DNAH12: variants seen among roughly 807,000 people sequenced by gnomAD.
The protein encoded by DNAH12 is dynein axonemal heavy chain 12.
A neutral mutation model predicts 371.5 loss-of-function variants in DNAH12; 285 were observed. The ratio of observed to expected loss-of-function variants is 0.77; its 90% CI spans 0.70 to 0.85. DNAH12 has a LOEUF of 0.85. Among genes scored for constraint, DNAH12 ranks in the 40% least tolerant of loss-of-function variants. DNAH12 has a pLI of 0.00. For missense variants in DNAH12, 3,611 were observed against 3,689.4 expected, an observed-to-expected ratio of 0.98 and a Z score of 0.55; for synonymous variants, 1,200 against 1,213.0, an observed-to-expected ratio of 0.99 and a Z score of 0.22.
chr3:57,468,701 C>A, intron 17 of DNAH12, 35 bp downstream of exon 17: 2 of 1,216,678 alleles, frequency 1.6e-6, no homozygotes, highest in Non-Finnish European at 2.1e-6. Flanking sequence ...GAGAAGATAG[C>A]TATAATATTA....
intron 9 of DNAH12, among the ~76,000 whole-genome samples, chr3:57,502,961 T>TGA (rs1264698781): frequency 6.6e-6 from 1 of 152,256 alleles, no homozygotes; most frequent in Non-Finnish European, 1.5e-5. Flanking sequence ...ATTACAGGCG[T>TGA]GAGCCATTGC....
At chr3:57,387,437 AAAGG>A (rs1174614109) in intron 45 of DNAH12, among the ~76,000 whole-genome samples, 25 of 152,318 alleles carry the variant, frequency 1.6e-4, no homozygotes, top group South Asian at 4.1e-4. Context: ...AGGATAATAT[AAAGG>A]AAGGATCAAT....
chr3:57,554,832 G>A, the DNAH12 span, among the ~76,000 whole-genome samples: 46 of 151,958 alleles, frequency 3.0e-4, no homozygotes, highest in Non-Finnish European at 4.0e-4. Flanking sequence ...GGCCAGGCTG[G>A]TCTCGAACTC....
At chr3:57,507,339 A>G (rs764032539) in intron 8 of DNAH12, among the ~76,000 whole-genome samples, 1 of 152,150 alleles carries the variant, frequency 6.6e-6, no homozygotes, top group Non-Finnish European at 1.5e-5. Context: ...AATAAATTCA[A>G]AAATATGTTA....
At chr3:57,397,403 A>AT (rs1370309507) in intron 43 of DNAH12, among the ~76,000 whole-genome samples, 1 of 152,174 alleles carries the variant, frequency 6.6e-6, no homozygotes, top group African/African-American at 2.4e-5. Flanking sequence ...AGAGAATACC[A>AT]TCCAAATCAT....
At chr3:57,368,485 C>A (rs2063098875) in intron 55 of DNAH12, among the ~76,000 whole-genome samples, 1 of 140,020 alleles carries the variant, frequency 7.1e-6, no homozygotes, top group African/African-American at 2.6e-5. Context: ...AAGTACTCTG[C>A]CCAAGGTCCC....
chr3:57,420,166 CCT>C (rs773639157), intron 36 of DNAH12, among the ~76,000 whole-genome samples: 4 of 152,114 alleles, frequency 2.6e-5, no homozygotes, highest in African/African-American at 9.7e-5. Flanking sequence ...TCCTGACACC[CCT>C]GAGTGCCTCC....
At chr3:57,435,011 A>G (rs1271782713) in intron 30 of DNAH12, among the ~76,000 whole-genome samples, 1 of 152,184 alleles carries the variant, frequency 6.6e-6, no homozygotes, top group African/African-American at 2.4e-5. Flanking sequence ...ACAAAAATCT[A>G]TTAAAACTCA....
At chr3:57,417,602 C>A (rs1471648690) in intron 37 of DNAH12, among the ~76,000 whole-genome samples, 1 of 152,040 alleles carries the variant, frequency 6.6e-6, no homozygotes, top group Non-Finnish European at 1.5e-5. Flanking sequence ...TTTTTGCTAT[C>A]CTCTAAAATG....
At position 57,453,007 on chromosome 3, in the gene DNAH12, GT is replaced by G; in HGVS notation, c.3621del (p.His1208MetfsTer29). Reference protein sequence around the residue: ...VVMDMIKMGVSHDTDFLWLAQ... With the variant: ...VVMDMIKMGVXHDTDFLWLAQ... The stretch of plus-strand genomic sequence containing the variant: ...GCAAGCCACAGGAAATCTGTATCAT[GT>G]GAGACACCTAGAAAAAATAAAGTAA... On this transcript the variant is annotated frameshift_variant, in exon 25 of 74. Coordinates refer to ENST00000495027, the MANE Select transcript of DNAH12 (RefSeq NM_001366028.2). LOFTEE classifies it high-confidence loss of function. The G allele has an allele frequency of 3.9e-6, 6 of 1,540,376 alleles. No homozygotes were observed. The highest frequency in any genetic ancestry group is 4.4e-6 in the Non-Finnish European group (5 of 1,144,770).
At chr3:57,472,419 G>T in intron 14 of DNAH12, 127 bp downstream of exon 14, 1 of 1,208,366 alleles carries the variant, frequency 8.3e-7, no homozygotes, top group Non-Finnish European at 1.1e-6. Context: ...AGTGTGGCCA[G>T]TCTCAAACTC....
chr3:57,491,954 C>T (rs1207510334), intron 11 of DNAH12, among the ~76,000 whole-genome samples: 4 of 151,382 alleles, frequency 2.6e-5, no homozygotes, highest in East Asian at 1.9e-4. Flanking sequence ...TGCGTTGAGC[C>T]GTGATCACAC....
intron 29 of DNAH12, 21 bp downstream of exon 29, chr3:57,444,676 C>A: frequency 6.5e-7 from 1 of 1,546,638 alleles, no homozygotes; most frequent in South Asian, 1.2e-5. Context: ...CCGAATAAGT[C>A]ATTCTCATGG....
intron 2 of DNAH12, among the ~76,000 whole-genome samples, chr3:57,527,153 A>G (rs2068677075): frequency 6.6e-6 from 1 of 152,114 alleles, no homozygotes; most frequent in South Asian, 2.1e-4. Flanking sequence ...AAATCAGATT[A>G]TTAGTTTTTC....
intron 35 of DNAH12, among the ~76,000 whole-genome samples, chr3:57,424,492 T>C (rs1230730896): frequency 2.0e-4 from 28 of 138,672 alleles, no homozygotes; most frequent in Admixed American, 2.0e-3. Flanking sequence ...AAAAATTGGA[T>C]AGTTGCCAGG....
intron 65 of DNAH12, among the ~76,000 whole-genome samples, chr3:57,320,360 T>C (rs1347427466): frequency 6.6e-6 from 1 of 152,212 alleles, no homozygotes; most frequent in African/African-American, 2.4e-5. Context: ...GATACAGAAA[T>C]GTATCCCTGC....
intron 32 of DNAH12, among the ~76,000 whole-genome samples, chr3:57,430,031 G>A (rs1304804429): frequency 6.6e-6 from 1 of 151,934 alleles, no homozygotes; most frequent in Non-Finnish European, 1.5e-5. Flanking sequence ...TAGGAAGGGG[G>A]ACTATAAGAC....
At position 57,446,106 on chromosome 3, in the gene DNAH12, G is replaced by A. The variant is rs1422127834; in HGVS notation, c.4104C>T (p.Leu1368=). Reference sequence around the variant, plus strand: ...TAATAGCTACAAAACAATTCGGATTGAGCTTAAGTTCTGTCCCTTCAAAAA... The same window carrying A: ...TAATAGCTACAAAACAATTCGGATTAAGCTTAAGTTCTGTCCCTTCAAAAA... ...VFVFEGTELK[L]NPNCFVAITM... Residue 1368 remains leucine (L), a synonymous_variant, in exon 27 of 74, where the codon CTC becomes CTT. Coordinates refer to ENST00000495027, the MANE Select transcript of DNAH12 (RefSeq NM_001366028.2). The A allele has an allele frequency of 6.4e-7, 1 of 1,551,560 alleles. No individual in the cohort carries two copies. The highest frequency in any genetic ancestry group is 8.7e-7 in the Non-Finnish European group (1 of 1,146,994).
chr3:57,459,515 GA>G lies in DNAH12; in HGVS notation c.2931+76del, dbSNP rs201886768. 7,912 of 1,276,456 alleles carry G rather than the reference GA, an allele frequency of 6.2e-3. 32 individuals carry two copies. The highest frequency in any genetic ancestry group is 7.3e-3 in the Non-Finnish European group (7,249 of 989,374). 79.1% of individuals were successfully genotyped at this position (1,276,456 alleles called of 1,614,324 possible). A position where few individuals can be genotyped will look rare whatever the true frequency, so the allele number is the denominator to read the frequency against. The stretch of plus-strand genomic sequence containing the variant: ...TGAGCAAGTTTAATTTTTATAATCA[GA>G]AAAAAAGTCACATGTTTTACTTAAT... On this transcript the variant is annotated intron_variant, in intron 20 of 73. Transcript: ENST00000495027.
Sources: gnomAD v4.1 joint callset for allele counts (sites outside exome capture counted in the v4.1 genomes callset) on GRCh38, gnomAD v4.1.1 for gene constraint, MANE v1.5 for transcripts, NCBI Gene and HGNC (gene_info 2026-07-23, HGNC 2026-07-21) for gene names.